The following TNFAIP6 variants were observed in gnomAD, a reference collection of about 807,000 sequenced individuals.
TNFAIP6 encodes TNF alpha induced protein 6, also known as tumor necrosis factor-inducible gene 6 protein.
A neutral mutation model predicts 33.7 loss-of-function variants in TNFAIP6; 36 were observed. The observed-to-expected ratio is 1.07, with a 90% confidence interval of 0.82 to 1.41. TNFAIP6 has a LOEUF of 1.41. Ranked by LOEUF, TNFAIP6 falls within the 40% of genes most tolerant of loss-of-function variation. The pLI, the probability that TNFAIP6 is intolerant of heterozygous loss-of-function variation, is 0.00. For synonymous variants in TNFAIP6, 113 were observed against 112.8 expected, an observed-to-expected ratio of 1.00 and a Z score of -0.01; for missense variants, 273 against 331.9, an observed-to-expected ratio of 0.82 and a Z score of 1.38.
At chr2:151,365,307 C>T (rs184086536) in intron 2 of TNFAIP6, among the ~76,000 whole-genome samples, 9 of 152,180 alleles carry the variant, frequency 5.9e-5, no homozygotes, top group Non-Finnish European at 1.0e-4. Flanking sequence ...CATGCCACTG[C>T]ACTCTAGCCT....
At chr2:151,372,873 T>C (rs1224454404) in intron 4 of TNFAIP6, among the ~76,000 whole-genome samples, 2 of 151,034 alleles carry the variant, frequency 1.3e-5, no homozygotes, top group African/African-American at 4.9e-5. Flanking sequence ...TGAGCTGAGA[T>C]TGTGCCATTG....
At chr2:151,373,034 T>C (rs935509884) in intron 4 of TNFAIP6, among the ~76,000 whole-genome samples, 2 of 152,060 alleles carry the variant, frequency 1.3e-5, no homozygotes, top group African/African-American at 2.4e-5. Flanking sequence ...TAAAATCTCA[T>C]TGGCTGGGTG....
chr2:151,367,378 G>A (rs971416477), intron 3 of TNFAIP6, among the ~76,000 whole-genome samples: 4 of 152,024 alleles, frequency 2.6e-5, no homozygotes, highest in African/African-American at 9.7e-5. Context: ...ATTTAGTTAT[G>A]TCAACAATAT....
intron 3 of TNFAIP6, 24 bp downstream of exon 3, chr2:151,366,241 T>C (rs1489773645): frequency 2.5e-6 from 4 of 1,608,594 alleles, no homozygotes; most frequent in Non-Finnish European, 3.4e-6. Flanking sequence ...AATAATTTTA[T>C]GTTTTGCAAA....
At chr2:151,361,796 G>A (rs1182311912) in intron 1 of TNFAIP6, among the ~76,000 whole-genome samples, 1 of 152,170 alleles carries the variant, frequency 6.6e-6, no homozygotes, top group Non-Finnish European at 1.5e-5. Context: ...ACACTGGGCA[G>A]CAGGCATCTT....
chr2:151,366,051 T>C lies in TNFAIP6; in HGVS notation c.233-5T>C. ...TTTAGTCCATAACTCTTTTTCTTCT[T>C]GCAGGATTTCATGTCTGTGCTGCTG... On this transcript the variant is annotated splice_polypyrimidine_tract_variant and splice_region_variant and intron_variant, in intron 2 of 5. Transcript: ENST00000243347. 6.2e-7 allele frequency: 1 copy of C among 1,613,938 alleles called. No individual in the cohort carries two copies. Among genetic ancestry groups the C allele is most frequent in the Middle Eastern group, 1.7e-4 (1 of 6,060 alleles).
At chr2:151,375,435 G>A (rs1488650025) in intron 5 of TNFAIP6, among the ~76,000 whole-genome samples, 1 of 152,098 alleles carries the variant, frequency 6.6e-6, no homozygotes, top group Non-Finnish European at 1.5e-5. Flanking sequence ...TAGGCCTGGT[G>A]TGGTGGCTTA....
At chr2:151,375,447 G>A (rs189081967) in intron 5 of TNFAIP6, among the ~76,000 whole-genome samples, 238 of 152,202 alleles carry the variant, frequency 1.6e-3, no homozygotes, top group African/African-American at 5.5e-3. Flanking sequence ...GGTGGCTTAC[G>A]CCTGTAATCC....
At chr2:151,371,767 G>A (rs547052869) in intron 4 of TNFAIP6, among the ~76,000 whole-genome samples, 1 of 151,754 alleles carries the variant, frequency 6.6e-6, no homozygotes, top group Non-Finnish European at 1.5e-5. Flanking sequence ...GCTAATTTTT[G>A]TATTTTTAGT....
At chr2:151,364,738 C>CT (rs1573779966) in intron 2 of TNFAIP6, among the ~76,000 whole-genome samples, 2 of 152,190 alleles carry the variant, frequency 1.3e-5, no homozygotes, top group East Asian at 3.8e-4. Flanking sequence ...GGGCCACCCC[C>CT]ATTCAGAACT....
Position 151,378,513 on chromosome 2 carries a change from A to T in TNFAIP6, c.665-851A>T, listed in dbSNP as rs557703126. 3.4e-5 allele frequency among the ~76,000 whole-genome samples: 5 copies of T among 144,982 alleles called. No individual in the cohort carries two copies. In the South Asian group the frequency reaches 1.1e-3, roughly 32 times the overall value. ...CTTCTTTTTTTTTTTTTTGAGACGG[A>T]GTTTTGCTCTTGTTGCCCAGGCTGG... On this transcript the variant is annotated intron_variant, in intron 5 of 5. Coordinates refer to ENST00000243347, the MANE Select transcript of TNFAIP6 (RefSeq NM_007115.4).
Position 151,370,105 on chromosome 2 carries a change from C to G in TNFAIP6, c.480C>G (p.Ile160Met). The G allele has an allele frequency of 6.2e-7, 1 of 1,614,074 alleles. No homozygotes were observed. The highest frequency in any genetic ancestry group is 8.5e-7 in the Non-Finnish European group (1 of 1,180,004). Residue 160 changes from isoleucine to methionine, a missense_variant, in exon 4 of 6, where the codon ATC (isoleucine) becomes ATG (methionine). Physicochemically the swap from Ile to Met is conservative, Grantham distance 10 (BLOSUM62 1). Coordinates refer to ENST00000243347, the MANE Select transcript of TNFAIP6 (RefSeq NM_007115.4). ...CAAATGAGTACGAAGATAACCAAAT[C>G]TGCTACTGGCACATTAGACTCAAGT... ...GFPNEYEDNQ[I>M]CYWHIRLKYG...
intron 2 of TNFAIP6, 94 bp downstream of exon 2, chr2:151,364,174 C>G (rs1258998293): frequency 7.0e-7 from 1 of 1,429,846 alleles, no homozygotes; most frequent in Non-Finnish European, 9.5e-7. Flanking sequence ...TTCTCCAACC[C>G]CCTTCTGATA....
intron 1 of TNFAIP6, among the ~76,000 whole-genome samples, chr2:151,363,176 T>C (rs1341215669): frequency 6.6e-6 from 1 of 151,674 alleles, no homozygotes; most frequent in Non-Finnish European, 1.5e-5. Context: ...ATTAGCTGAT[T>C]GTGGTGGCAC....
chr2:151,359,386 A>AC (rs1684585749), intron 1 of TNFAIP6, among the ~76,000 whole-genome samples: 1 of 130,170 alleles, frequency 7.7e-6, no homozygotes, highest in African/African-American at 2.9e-5. Flanking sequence ...GCAACTCATA[A>AC]TTTTTTTTTT....
At chr2:151,364,413 C>T (rs918186781) in intron 2 of TNFAIP6, among the ~76,000 whole-genome samples, 2 of 152,164 alleles carry the variant, frequency 1.3e-5, no homozygotes, top group Non-Finnish European at 2.9e-5. Flanking sequence ...ATCTCTTTGA[C>T]TTCTCAGTAT....
At position 151,363,972 on chromosome 2, in the gene TNFAIP6, G is replaced by A; in HGVS notation, c.124G>A (p.Ala42Thr). ...AGCAGCCGGTGTGTACCACAGAGAAGCACGGTCTGGCAAATACAAGCTCAC... is the reference window on the plus strand; with the variant it reads ...AGCAGCCGGTGTGTACCACAGAGAAACACGGTCTGGCAAATACAAGCTCAC... Reference protein sequence around the residue: ...ERAAGVYHREARSGKYKLTYA... With the variant: ...ERAAGVYHRETRSGKYKLTYA... The change falls in exon 2 of 6, where the codon GCA becomes ACA. Residue 42 changes from alanine (A) to threonine (T), a missense_variant. Transcript: ENST00000243347. 6.2e-7 allele frequency: 1 copy of A among 1,614,118 alleles called. No individual in the cohort carries two copies. Among genetic ancestry groups the A allele is most frequent in the Non-Finnish European group, 8.5e-7 (1 of 1,179,998 alleles).
chr2:151,370,519 A>C (rs1034186982), intron 4 of TNFAIP6, among the ~76,000 whole-genome samples: 1 of 150,138 alleles, frequency 6.7e-6, no homozygotes, highest in African/African-American at 2.5e-5. Flanking sequence ...CAACATACTT[A>C]TTAAAGTAGT....
downstream of TNFAIP6, among the ~76,000 whole-genome samples, chr2:151,381,248 A>G (rs918979842): frequency 1.1e-4 from 17 of 152,060 alleles, no homozygotes; most frequent in Non-Finnish European, 4.4e-5. Context: ...GAGGCAGAGG[A>G]TCTCTTGAGC....
Sources: gnomAD v4.1 joint callset for allele counts (sites outside exome capture counted in the v4.1 genomes callset) on GRCh38, gnomAD v4.1.1 for gene constraint, MANE v1.5 for transcripts, NCBI Gene and HGNC (gene_info 2026-07-23, HGNC 2026-07-21) for gene names.